COG6: variants seen among roughly 807,000 people sequenced by gnomAD.
The protein encoded by COG6 is component of oligomeric golgi complex 6.
COG6 carries 74 observed loss-of-function variants against 88.8 expected under a neutral mutation model. The ratio of observed to expected loss-of-function variants is 0.83; its 90% CI spans 0.69 to 1.01. The LOEUF (loss-of-function observed/expected upper bound fraction) is 1.01. COG6 is among the 50% of genes least tolerant of loss of function. The pLI, the probability that COG6 is intolerant of heterozygous loss-of-function variation, is 0.00. For missense variants in COG6, 800 were observed against 797.9 expected, an observed-to-expected ratio of 1.00 and a Z score of -0.03; for synonymous variants, 286 against 278.7, an observed-to-expected ratio of 1.03 and a Z score of -0.26.
At chr13:39,748,463 A>T (rs1290673701) in intron 18 of COG6, among the ~76,000 whole-genome samples, 5 of 151,964 alleles carry the variant, frequency 3.3e-5, no homozygotes, top group African/African-American at 9.7e-5. Context: ...AAAAATACAA[A>T]AATTAGGCAG....
chr13:39,685,441 A>G (rs1876581190), intron 8 of COG6, among the ~76,000 whole-genome samples: 1 of 152,176 alleles, frequency 6.6e-6, no homozygotes, highest in South Asian at 2.1e-4. Context: ...ATTTTATAGT[A>G]TTGAACAGAT....
chr13:39,754,114 CCATT>C (rs1328645916), downstream of COG6, among the ~76,000 whole-genome samples: 3 of 152,078 alleles, frequency 2.0e-5, no homozygotes, highest in African/African-American at 7.2e-5. Flanking sequence ...AATTTTCCTC[CCATT>C]TCATTAACCC....
At chr13:39,736,269 T>C (rs1019537215) in intron 18 of COG6, among the ~76,000 whole-genome samples, 4 of 152,182 alleles carry the variant, frequency 2.6e-5, no homozygotes, top group African/African-American at 9.7e-5. Context: ...TTCTTTCTTC[T>C]GTTTGATTAG....
At chr13:39,752,971 T>C (rs1445592526), downstream of COG6, among the ~76,000 whole-genome samples, 1 of 152,194 alleles carries the variant, frequency 6.6e-6, no homozygotes, top group Non-Finnish European at 1.5e-5. Context: ...GTTGAACTTT[T>C]CCATTTCTTT....
chr13:39,746,755 A>T (rs898536562), intron 18 of COG6, among the ~76,000 whole-genome samples: 1 of 152,200 alleles, frequency 6.6e-6, no homozygotes, highest in Admixed American at 6.5e-5. Context: ...AAGATAAAGG[A>T]TGAATTTACA....
intron 18 of COG6, among the ~76,000 whole-genome samples, chr13:39,784,498 A>G (rs1255422763): frequency 1.3e-5 from 2 of 152,350 alleles, no homozygotes; most frequent in African/African-American, 4.8e-5. Context: ...CCTGAAGTTC[A>G]CAAGGAGTTC....
At chr13:39,706,235 T>TTATATA (rs372468879) in intron 13 of COG6, among the ~76,000 whole-genome samples, 3,980 of 106,402 alleles carry the variant, frequency 0.037, 244 homozygotes, top group Middle Eastern at 0.064. Flanking sequence ...ATATACTCCT[T>TTATATA]TATATATATA....
intron 18 of COG6, among the ~76,000 whole-genome samples, chr13:39,776,224 A>G (rs1466992448): frequency 6.6e-6 from 1 of 152,190 alleles, no homozygotes; most frequent in Non-Finnish European, 1.5e-5. Context: ...GGTGAAAAAA[A>G]AGAGGCAGAG....
chr13:39,699,495 T>C lies in COG6; in HGVS notation c.1167-6T>C. 2.9e-6 allele frequency: 4 copies of C among 1,398,852 alleles called. No homozygotes were observed. The highest frequency in any genetic ancestry group is 4.1e-6 in the Non-Finnish European group (4 of 984,822). 86.7% of individuals were successfully genotyped at this position (1,398,852 alleles called of 1,614,324 possible). A position where few individuals can be genotyped will look rare whatever the true frequency, so the allele number is the denominator to read the frequency against. ...TTTTGCAACCTGAAATATTCTTTGC[T>C]TTTAGTGGTATTGTTGGAAATAGTG... is the stretch of plus-strand genomic sequence containing the variant. On this transcript the variant is annotated splice_region_variant and splice_polypyrimidine_tract_variant and intron_variant, in intron 12 of 18. Transcript: ENST00000455146.
At chr13:39,699,724 CTTTT>C in intron 13 of COG6, 106 bp downstream of exon 13, 1 of 677,692 alleles carries the variant, frequency 1.5e-6, no homozygotes, top group Non-Finnish European at 2.7e-6. Flanking sequence ...ATTCTGTGTT[CTTTT>C]GAGTTCTTCC....
intron 5 of COG6, among the ~76,000 whole-genome samples, chr13:39,677,897 G>T (rs982099713): frequency 2.0e-5 from 3 of 152,008 alleles, no homozygotes; most frequent in African/African-American, 7.2e-5. Flanking sequence ...TAGTTAAAAA[G>T]AATATGCTTT....
intron 18 of COG6, among the ~76,000 whole-genome samples, chr13:39,742,797 A>G (rs192045387): frequency 1.9e-3 from 297 of 152,330 alleles, no homozygotes; most frequent in African/African-American, 6.2e-3. Flanking sequence ...TCAACAGAAT[A>G]TACATTCTTC....
rs114458805 is a variant in COG6, at chr13:39,689,848, T to C, written c.1074+24T>C. The C allele has an allele frequency of 1.6e-3, 2,323 of 1,428,030 alleles. 32 individuals carry two copies. In the African/African-American group the frequency reaches 0.029, roughly 18 times the overall value. 88.5% of individuals were successfully genotyped at this position (1,428,030 alleles called of 1,614,324 possible). ...AGGTAAAATATTTTGTTTTTACATATGCTATATGGTACCTGCTTAAATTAT... is the reference window on the plus strand; with the variant it reads ...AGGTAAAATATTTTGTTTTTACATACGCTATATGGTACCTGCTTAAATTAT... On this transcript the variant is annotated intron_variant, in intron 11 of 18. Transcript: ENST00000455146.
chr13:39,757,247 A>T (rs989899366), downstream of COG6, among the ~76,000 whole-genome samples: 3 of 152,234 alleles, frequency 2.0e-5, no homozygotes, highest in African/African-American at 7.2e-5. Context: ...CAAGGAAGAA[A>T]TCACGAAGGA....
intron 4 of COG6, among the ~76,000 whole-genome samples, chr13:39,673,608 T>C (rs1312036093): frequency 1.3e-5 from 2 of 152,058 alleles, no homozygotes; most frequent in Non-Finnish European, 2.9e-5. Flanking sequence ...TTCACTTATC[T>C]TTCCATCATA....
At chr13:39,782,865 A>G (rs1464912612) in intron 18 of COG6, among the ~76,000 whole-genome samples, 1 of 152,144 alleles carries the variant, frequency 6.6e-6, no homozygotes, top group Non-Finnish European at 1.5e-5. Flanking sequence ...TAGGTTAAAA[A>G]CTAGGACTTT....
chr13:39,667,237 T>C (rs1241870046), intron 4 of COG6, among the ~76,000 whole-genome samples: 1 of 152,106 alleles, frequency 6.6e-6, no homozygotes, highest in African/African-American at 2.4e-5. Context: ...CAGAGAAAAA[T>C]CTTTAAAAAC....
intron 18 of COG6, among the ~76,000 whole-genome samples, chr13:39,765,670 A>C (rs1881143187): frequency 6.6e-6 from 1 of 152,222 alleles, no homozygotes; most frequent in Admixed American, 6.5e-5. Flanking sequence ...GAACAAAATA[A>C]AGCAGTTTTC....
chr13:39,766,188 A>T (rs1202068865), intron 18 of COG6, among the ~76,000 whole-genome samples: 1 of 152,152 alleles, frequency 6.6e-6, no homozygotes, highest in Non-Finnish European at 1.5e-5. Context: ...GGGACACCTT[A>T]CATGTTGAGT....
Sources: allele counts gnomAD v4.1 joint callset (sites outside exome capture counted in the v4.1 genomes callset), GRCh38; gene constraint gnomAD v4.1.1; transcripts MANE v1.5; gene names NCBI Gene and HGNC (gene_info 2026-07-23, HGNC 2026-07-21).